The following PALLD variants were observed in gnomAD, a reference collection of about 807,000 sequenced individuals.
PALLD encodes the protein palladin, cytoskeletal associated protein.
Under a neutral mutation model 123.5 loss-of-function variants are expected in PALLD, and 61 were observed. That is an observed-to-expected ratio of 0.49 (90% CI 0.40 to 0.61). The LOEUF (loss-of-function observed/expected upper bound fraction) is 0.61. Ranked by LOEUF, PALLD falls within the 20% of genes least tolerant of loss-of-function variation. PALLD has a pLI of 0.00. For synonymous variants in PALLD, 465 were observed against 496.4 expected, an observed-to-expected ratio of 0.94 and a Z score of 0.84; for missense variants, 1,273 against 1,377.0, an observed-to-expected ratio of 0.92 and a Z score of 1.20.
At chr4:168,681,826 A>G (rs1255419670) in intron 4 of PALLD, among the ~76,000 whole-genome samples, 3 of 152,132 alleles carry the variant, frequency 2.0e-5, no homozygotes, top group Non-Finnish European at 4.4e-5. Flanking sequence ...GGGAGGGATT[A>G]TAGGCATGAG....
chr4:168,870,675 A>T (rs933580635), intron 10 of PALLD, among the ~76,000 whole-genome samples: 52 of 152,288 alleles, frequency 3.4e-4, no homozygotes, highest in Non-Finnish European at 2.5e-4. Context: ...GCTAAAGAGG[A>T]CAGGTCATAA....
intron 2 of PALLD, among the ~76,000 whole-genome samples, chr4:168,535,218 G>T (rs1764986560): frequency 6.6e-6 from 1 of 152,116 alleles, no homozygotes. Context: ...TAGATACTGA[G>T]GAATGACTAT....
At chr4:168,863,134 A>G (rs1319807424) in intron 10 of PALLD, among the ~76,000 whole-genome samples, 1 of 152,162 alleles carries the variant, frequency 6.6e-6, no homozygotes, top group African/African-American at 2.4e-5. Flanking sequence ...TGTATGAATA[A>G]TGTACATTTG....
chr4:168,703,845 C>G (rs1783949047), intron 8 of PALLD, among the ~76,000 whole-genome samples: 1 of 145,670 alleles, frequency 6.9e-6, no homozygotes, highest in Non-Finnish European at 1.5e-5. Context: ...AACATTTTCT[C>G]CCATTCTGTA....
At chr4:168,524,997 C>T (rs1206765561) in intron 2 of PALLD, among the ~76,000 whole-genome samples, 1 of 152,084 alleles carries the variant, frequency 6.6e-6, no homozygotes, top group Non-Finnish European at 1.5e-5. Flanking sequence ...ACACTGATCC[C>T]AAGCAGAATA....
In PALLD at chr4:168,898,554, G is replaced by A. The variant is rs201707558; in HGVS notation, c.2312G>A (p.Arg771Lys). The A allele has an allele frequency of 2.9e-5, 47 of 1,613,682 alleles. No homozygotes were observed. The Middle Eastern group carries it at 4.9e-4, about 17-fold the overall frequency. ...LISEIEYRLE[R>K]SPVDESGDEV... is the part of the protein sequence containing the mutation. ...AGTGAAATAGAGTACAGGCTAGAAA[G>A]GTCTCCTGTGGATGAATCAGGTGAT... The change falls in exon 14 of 22, where the codon AGG becomes AAG. Residue 771 changes from arginine (R) to lysine (K), a missense_variant. By Grantham distance (26) the Arg-to-Lys change is conservative. Coordinates refer to ENST00000505667, the MANE Select transcript of PALLD (RefSeq NM_001166108.2).
At chr4:168,867,680 A>G (rs1304532024) in intron 10 of PALLD, among the ~76,000 whole-genome samples, 1 of 152,150 alleles carries the variant, frequency 6.6e-6, no homozygotes, top group Non-Finnish European at 1.5e-5. Context: ...TCATCCATTT[A>G]TTGATTCATC....
chr4:168,694,959 T>C (rs1019413031), intron 8 of PALLD, among the ~76,000 whole-genome samples: 3 of 152,356 alleles, frequency 2.0e-5, no homozygotes, highest in Admixed American at 2.0e-4. Flanking sequence ...AGAAGACTCA[T>C]TTGACAGCTG....
intron 10 of PALLD, among the ~76,000 whole-genome samples, chr4:168,748,700 T>C (rs776340054): frequency 6.6e-6 from 1 of 152,112 alleles, no homozygotes; most frequent in Non-Finnish European, 1.5e-5. Flanking sequence ...CAAGCTCCTT[T>C]AGGTTATTAG....
At chr4:168,798,908 G>T (rs1738899470) in intron 10 of PALLD, among the ~76,000 whole-genome samples, 1 of 152,148 alleles carries the variant, frequency 6.6e-6, no homozygotes, top group African/African-American at 2.4e-5. Flanking sequence ...AGTGTTAAAA[G>T]AAAATCTTCA....
In PALLD at chr4:168,711,920, A is replaced by C. The variant is rs1323706077; in HGVS notation, c.1961A>C (p.Lys654Thr). 6.2e-7 allele frequency: 1 copy of C among 1,610,320 alleles called. No homozygotes were observed. Residue 654 changes from lysine (K) to threonine (T), a missense_variant, in exon 10 of 22, where the codon AAA becomes ACA. Transcript: ENST00000505667. ...KEPPPLLAKP[K>T]LGFPKKASRT... ...CCACCACCTCTGCTTGCCAAACCAA[A>C]ACTGTGAGTATTTCTGCATGGTTTT...
chr4:168,579,126 A>G (rs1249556016), intron 2 of PALLD, among the ~76,000 whole-genome samples: 3 of 152,200 alleles, frequency 2.0e-5, no homozygotes, highest in African/African-American at 7.2e-5. Context: ...CCTTGCTTTC[A>G]ATCCCTAGAA....
intron 10 of PALLD, among the ~76,000 whole-genome samples, chr4:168,796,554 A>T (rs1428243079): frequency 1.3e-4 from 20 of 152,252 alleles, no homozygotes; most frequent in Non-Finnish European, 2.6e-4. Context: ...CTCTTGGCCC[A>T]GGATCTGAAC....
At chr4:168,608,702 T>C (rs1316948764) in intron 2 of PALLD, among the ~76,000 whole-genome samples, 1 of 152,164 alleles carries the variant, frequency 6.6e-6, no homozygotes, top group Admixed American at 6.5e-5. Flanking sequence ...GCTATTTTGG[T>C]TTTTCATTTG....
intron 8 of PALLD, among the ~76,000 whole-genome samples, chr4:168,694,815 T>C (rs992963118): frequency 6.6e-6 from 1 of 152,208 alleles, no homozygotes; most frequent in Non-Finnish European, 1.5e-5. Context: ...TTTCAGACTG[T>C]TTTGTGAATT....
chr4:168,594,520 T>A (rs955603333), intron 2 of PALLD, among the ~76,000 whole-genome samples: 1 of 152,166 alleles, frequency 6.6e-6, no homozygotes, highest in Non-Finnish European at 1.5e-5. Context: ...CAGAACCTTG[T>A]ATAGAGCTTA....
intron 1 of PALLD, among the ~76,000 whole-genome samples, chr4:168,506,758 C>G (rs954258527): frequency 6.6e-6 from 1 of 152,184 alleles, no homozygotes; most frequent in Non-Finnish European, 1.5e-5. Context: ...TTCTTTCTTT[C>G]CTTCTTTCCT....
intron 2 of PALLD, chr4:168,654,794 C>T (rs1478400126): frequency 1.3e-5 from 2 of 152,166 alleles, no homozygotes; most frequent in Non-Finnish European, 2.9e-5. Flanking sequence ...CAACAGCTCA[C>T]TTGTCTACAC....
rs1756269674 is a variant in PALLD, at chr4:168,900,490, T to TG, written c.2472+1776_2472+1777insG. 3.9e-5 allele frequency among the ~76,000 whole-genome samples: 6 copies of TG among 152,058 alleles called. No individual in the cohort carries two copies. In the South Asian group the frequency reaches 1.0e-3, roughly 26 times the overall value. On this transcript the variant is annotated intron_variant, in intron 14 of 21. Transcript: ENST00000505667. ...GCATAGAGCAATGTACTCAATGAAA[T>TG]AAAAAGCTTAATAGTGGCATAAAAT...
Sources: gnomAD v4.1 joint callset for allele counts (sites outside exome capture counted in the v4.1 genomes callset) on GRCh38, gnomAD v4.1.1 for gene constraint, MANE v1.5 for transcripts, NCBI Gene and HGNC (gene_info 2026-07-23, HGNC 2026-07-21) for gene names.